Variants in TRAPPC9 observed in about 807,000 individuals in gnomAD.
TRAPPC9 encodes the protein IKK2 binding protein.
Under a neutral mutation model 124.0 loss-of-function variants are expected in TRAPPC9, and 83 were observed. That is an observed-to-expected ratio of 0.67 (90% confidence interval 0.56 to 0.80). TRAPPC9 has a LOEUF of 0.80. TRAPPC9 is among the 30% of genes least tolerant of loss of function. TRAPPC9 has a pLI of 0.00. For synonymous variants in TRAPPC9, 638 were observed against 617.5 expected (o/e 1.03, Z -0.49); for missense variants, 1,302 against 1,508.3 (o/e 0.86, Z 2.27).
Position 140,221,558 on chromosome 8 carries a change from G to A in TRAPPC9, c.2457C>T (p.Pro819=), listed in dbSNP as rs1246850319. Residue 819 remains proline (P), a synonymous_variant, in exon 17 of 23, where the codon CCC becomes CCT. Transcript: ENST00000438773. ...SDDGISVSGF[P]LSSPFRQVVR... is the part of the protein sequence containing the mutation. ...CGACCTGCCGAAAAGGACTGGACAG[G>A]GGAAAGCCACTCACACTGATTCCAT... 2.5e-6 allele frequency: 4 copies of A among 1,614,054 alleles called. No individual in the cohort carries two copies. The highest frequency in any genetic ancestry group is 1.7e-5 in the Admixed American group (1 of 60,008).
intron 9 of TRAPPC9, among the ~76,000 whole-genome samples, chr8:140,342,677 T>C (rs1224618016): frequency 6.6e-6 from 1 of 151,982 alleles, no homozygotes. Context: ...AAATGAAATA[T>C]AGCAAATCGA....
chr8:140,428,262 T>G (rs372693730), intron 4 of TRAPPC9, among the ~76,000 whole-genome samples: 1 of 152,218 alleles, frequency 6.6e-6, no homozygotes, highest in Non-Finnish European at 1.5e-5. Context: ...TCTAGTGGAC[T>G]GATTTCACAT....
At chr8:139,792,808 A>G (rs1200813182) in intron 21 of TRAPPC9, among the ~76,000 whole-genome samples, 2 of 152,232 alleles carry the variant, frequency 1.3e-5, no homozygotes, top group East Asian at 3.8e-4. Context: ...GCTGCTATCT[A>G]GTCAGACTTT....
chr8:140,220,265 G>A (rs2063305597), intron 17 of TRAPPC9, among the ~76,000 whole-genome samples: 1 of 152,160 alleles, frequency 6.6e-6, no homozygotes, highest in Admixed American at 6.5e-5. Context: ...TATGAGACAT[G>A]CAAAGAAAGT....
intron 20 of TRAPPC9, among the ~76,000 whole-genome samples, chr8:139,893,079 G>T (rs2131166240): frequency 6.6e-6 from 1 of 152,304 alleles, no homozygotes; most frequent in East Asian, 1.9e-4. Context: ...AACTCACTCT[G>T]CCCTCTAAGG....
Position 139,910,156 on chromosome 8 carries a change from G to A in TRAPPC9, c.2955C>T (p.Cys985=). ...CCCTGGAAAAGGATATGATTCTCCA[G>A]CAGATGCCCAGCTTGCTGTGGATCT... ...GLEIHSKLGI[C]WRIPSLKRSG... Residue 985 remains cysteine, a synonymous_variant, in exon 20 of 23, where the codon TGC becomes TGT. Transcript: ENST00000438773. The A allele has an allele frequency of 1.2e-6, 2 of 1,613,944 alleles. No homozygotes were observed. Among genetic ancestry groups the A allele is most frequent in the Middle Eastern group, 1.7e-4 (1 of 6,060 alleles).
In TRAPPC9 at chr8:140,397,765, T is replaced by A; in HGVS notation, c.1009-20A>T. The stretch of plus-strand genomic sequence containing the variant: ...CTTATACTGCAGGGTGTAAAGGAAA[T>A]GCCTCAGTCAAAAAAGAGTTCAGAT... On this transcript the variant is annotated intron_variant, in intron 6 of 22. Transcript: ENST00000438773. The A allele has an allele frequency of 6.2e-7, 1 of 1,613,704 alleles. No homozygotes were observed. The highest frequency in any genetic ancestry group is 1.3e-5 in the African/African-American group (1 of 75,048).
At chr8:139,947,644 G>A (rs944316145) in intron 19 of TRAPPC9, among the ~76,000 whole-genome samples, 1 of 151,826 alleles carries the variant, frequency 6.6e-6, no homozygotes, top group Non-Finnish European at 1.5e-5. Flanking sequence ...TGGATCACCT[G>A]AAGTCAGGAG....
Position 140,003,704 on chromosome 8 carries a change from A to G in TRAPPC9, c.2700-14868T>C, listed in dbSNP as rs571362745. 4.6e-5 allele frequency among the ~76,000 whole-genome samples: 7 copies of G among 152,290 alleles called. No homozygotes were observed. In the South Asian group the frequency reaches 1.2e-3, roughly 27 times the overall value. ...ATCTTTTGAAAACTGACAATACCAC[A>G]TGCTGATGAGGAAACAGAGCACTTA... On this transcript the variant is annotated intron_variant, in intron 18 of 22. Coordinates refer to ENST00000438773, the MANE Select transcript of TRAPPC9 (RefSeq NM_001160372.4).
At chr8:140,004,895 T>C (rs1838648627) in intron 18 of TRAPPC9, among the ~76,000 whole-genome samples, 2 of 152,224 alleles carry the variant, frequency 1.3e-5, no homozygotes, top group Admixed American at 1.3e-4. Context: ...CAGGTAGTGA[T>C]GGCCACCCAC....
chr8:140,047,608 C>G (rs1418463476), intron 17 of TRAPPC9, among the ~76,000 whole-genome samples: 2 of 151,992 alleles, frequency 1.3e-5, no homozygotes, highest in Non-Finnish European at 2.9e-5. Flanking sequence ...GCTCTGCCTG[C>G]TTCTCTGCAG....
chr8:140,071,301 C>T (rs1187950890), intron 17 of TRAPPC9, among the ~76,000 whole-genome samples: 1 of 152,198 alleles, frequency 6.6e-6, no homozygotes, highest in Non-Finnish European at 1.5e-5. Flanking sequence ...CAGCCCTCGA[C>T]ACTCACAGTC....
chr8:140,248,675 G>A (rs1171676298), intron 16 of TRAPPC9, among the ~76,000 whole-genome samples: 3 of 152,082 alleles, frequency 2.0e-5, no homozygotes, highest in African/African-American at 4.8e-5. Flanking sequence ...CATCTTCCAG[G>A]ACTTCTAATT....
At chr8:140,250,798 TA>T (rs767645818) in intron 16 of TRAPPC9, among the ~76,000 whole-genome samples, 6 of 152,126 alleles carry the variant, frequency 3.9e-5, no homozygotes, top group Non-Finnish European at 8.8e-5. Flanking sequence ...ATCTCATGAG[TA>T]ACCACTACGT....
intron 15 of TRAPPC9, among the ~76,000 whole-genome samples, chr8:140,255,864 C>T (rs2064241670): frequency 6.6e-6 from 1 of 152,190 alleles, no homozygotes; most frequent in Admixed American, 6.5e-5. Context: ...CCAGCCTGGG[C>T]AACAAAGCGA....
chr8:140,426,630 C>G lies in TRAPPC9; in HGVS notation c.871G>C (p.Val291Leu). 6.2e-7 allele frequency: 1 copy of G among 1,613,880 alleles called. No homozygotes were observed. Among genetic ancestry groups the G allele is most frequent in the South Asian group, 1.1e-5 (1 of 91,076 alleles). The change falls in exon 5 of 23, where the codon GTT (valine) becomes CTT (leucine). Residue 291 changes from valine to leucine, a missense_variant. By Grantham distance (32) the Val-to-Leu change is conservative (BLOSUM62 1). This residue lies in a region of TRAPPC9 where 657 missense variants were observed against 811.2 expected (regional missense o/e 0.81). Coordinates refer to ENST00000438773, the MANE Select transcript of TRAPPC9 (RefSeq NM_001160372.4). ...ANRHRPGAQEVLIDPGALTTN... is the reference protein window; with the variant it reads ...ANRHRPGAQELLIDPGALTTN... ...GATCATGTACCTGGATCAATGAGAA[C>G]TTCCTGTGCCCCTGGAAGAAAGAAC...
intron 17 of TRAPPC9, among the ~76,000 whole-genome samples, chr8:140,221,167 A>G (rs2063329661): frequency 6.6e-6 from 1 of 152,182 alleles, no homozygotes; most frequent in African/African-American, 2.4e-5. Flanking sequence ...AAACTTTTCA[A>G]ATGAATAGAG....
chr8:140,092,377 T>C (rs1349155379), intron 17 of TRAPPC9, among the ~76,000 whole-genome samples: 2 of 151,900 alleles, frequency 1.3e-5, no homozygotes, highest in Non-Finnish European at 2.9e-5. Context: ...TTTGTAGTTT[T>C]AGTAGAGATG....
chr8:139,924,297 C>G (rs1462344049), intron 19 of TRAPPC9, among the ~76,000 whole-genome samples: 1 of 152,210 alleles, frequency 6.6e-6, no homozygotes, highest in Non-Finnish European at 1.5e-5. Flanking sequence ...AGAGCATGCA[C>G]CTGATGGCCA....
Sources: allele counts gnomAD v4.1 joint callset (sites outside exome capture counted in the v4.1 genomes callset), GRCh38; gene constraint gnomAD v4.1.1; regional missense constraint gnomAD v4.1.1; transcripts MANE v1.5; gene names NCBI Gene and HGNC (gene_info 2026-07-23, HGNC 2026-07-21).